HECTD4: variants seen among roughly 807,000 people sequenced by gnomAD.
HECTD4 encodes HECT domain E3 ubiquitin protein ligase 4, also known as probable E3 ubiquitin-protein ligase HECTD4.
A neutral mutation model predicts 471.5 loss-of-function variants in HECTD4; 114 were observed. That is an observed-to-expected ratio of 0.24 (90% CI 0.21 to 0.28). The LOEUF (loss-of-function observed/expected upper bound fraction) is 0.28, where lower values mean the gene tolerates loss of function less well. Among genes scored for constraint, HECTD4 ranks in the 10% least tolerant of loss-of-function variants. HECTD4 has a pLI of 1.00. For missense variants in HECTD4, 3,866 were observed against 5,651.5 expected (o/e 0.68, Z 10.13); for synonymous variants, 2,012 against 2,256.0 (o/e 0.89, Z 3.07).
intron 47 of HECTD4, 96 bp from the exon 48 acceptor site, chr12:112,216,467 G>T: frequency 1.2e-6 from 1 of 830,580 alleles, no homozygotes; most frequent in South Asian, 1.5e-5. Context: ...AGGGGGGGTG[G>T]TCAGCATTGT....
At chr12:112,253,483 T>C (rs528355714) in intron 22 of HECTD4, among the ~76,000 whole-genome samples, 9 of 152,300 alleles carry the variant, frequency 5.9e-5, no homozygotes, top group East Asian at 5.8e-4. Context: ...CCATAACATA[T>C]ATGAAATAAA....
intron 2 of HECTD4, among the ~76,000 whole-genome samples, chr12:112,315,646 C>G (rs534879954): frequency 1.3e-5 from 2 of 152,098 alleles, no homozygotes; most frequent in Non-Finnish European, 2.9e-5. Context: ...AATAAAGAAG[C>G]AAAACCTTTA....
In HECTD4 at chr12:112,160,914, C is replaced by G. The variant is rs1015154670; in HGVS notation, c.*1473G>C. 1 of 152,138 alleles carries G rather than the reference C, an allele frequency of 6.6e-6. No individual in the cohort carries two copies. Among genetic ancestry groups the G allele is most frequent in the Non-Finnish European group, 1.5e-5 (1 of 68,028 alleles). The allele number at this position is 152,138 out of a possible 1,614,324, so 9.4% of individuals were successfully genotyped here. A position where few individuals can be genotyped will look rare whatever the true frequency, so the allele number is the denominator to read the frequency against. ...ACTGATGCAGCTGTCATGATTAACCCTAGGTCGATTTCATCCTTAGGTCAG... is the reference window on the plus strand; with the variant it reads ...ACTGATGCAGCTGTCATGATTAACCGTAGGTCGATTTCATCCTTAGGTCAG... On this transcript the variant is annotated 3_prime_UTR_variant, in exon 76 of 76. Coordinates refer to ENST00000682272, the MANE Select transcript of HECTD4 (RefSeq NM_001388303.1).
At chr12:112,323,780 C>T (rs746742556) in intron 1 of HECTD4, among the ~76,000 whole-genome samples, 13 of 151,166 alleles carry the variant, frequency 8.6e-5, no homozygotes, top group Non-Finnish European at 1.6e-4. Context: ...CATAGAACTA[C>T]ACACCTCCCA....
chr12:112,170,953 G>A (rs1323799490), intron 68 of HECTD4, 164 bp downstream of exon 68: 1 of 564,618 alleles, frequency 1.8e-6, no homozygotes. Context: ...TCCCTTGGGT[G>A]GGCCTGTTGC....
intron 9 of HECTD4, among the ~76,000 whole-genome samples, chr12:112,276,396 GA>G (rs1323373505): frequency 4.0e-5 from 6 of 151,774 alleles, no homozygotes; most frequent in Admixed American, 1.3e-4. Context: ...AAAAGAGGGG[GA>G]AAAAAAGAAA....
intron 1 of HECTD4, among the ~76,000 whole-genome samples, chr12:112,372,504 G>A (rs1431545872): frequency 5.7e-5 from 2 of 34,830 alleles, no homozygotes; most frequent in Non-Finnish European, 9.8e-5. Context: ...CTCGTGATCC[G>A]CCCACCTGAC....
At position 112,175,838 on chromosome 12, in the gene HECTD4, G is replaced by A. The variant is rs746255951; in HGVS notation, c.11492C>T (p.Thr3831Met). The A allele has an allele frequency of 1.3e-5, 21 of 1,613,504 alleles. No individual in the cohort carries two copies. The highest frequency in any genetic ancestry group is 1.5e-5 in the Non-Finnish European group (18 of 1,179,760). Residue 3831 changes from threonine (T) to methionine (M), a missense_variant, in exon 66 of 76, where the codon ACG becomes ATG. Coordinates refer to ENST00000682272, the MANE Select transcript of HECTD4 (RefSeq NM_001388303.1). ...AACAAATTTGTGAAATCCTTCCAGC[G>A]TCAGGTATTTTTCCTCAGGGACTGG... ...KQEVPEEKYL[T>M]LEGFHKFVID...
chr12:112,290,733 AGCTAC>A lies in HECTD4; in HGVS notation c.1336-7436_1336-7432del, dbSNP rs775230223. ...CATGGTGGTGTATGCCTGTAGTCCC[AGCTAC>A]TCGGGAGGCTGAGGCAGGGGAATCA... On this transcript the variant is annotated intron_variant, in intron 7 of 75. Coordinates refer to ENST00000682272, the MANE Select transcript of HECTD4 (RefSeq NM_001388303.1). 2.0e-5 allele frequency among the ~76,000 whole-genome samples: 3 copies of A among 151,900 alleles called. No homozygotes were observed. The South Asian group carries it at 6.2e-4, about 32-fold the overall frequency.
At chr12:112,351,830 T>C (rs532363815) in intron 1 of HECTD4, among the ~76,000 whole-genome samples, 17 of 152,372 alleles carry the variant, frequency 1.1e-4, no homozygotes, top group African/African-American at 3.6e-4. Context: ...ACTGTCGGCA[T>C]GTTTAAAAGG....
At chr12:112,333,109 A>G (rs1051599446) in intron 1 of HECTD4, among the ~76,000 whole-genome samples, 3 of 152,162 alleles carry the variant, frequency 2.0e-5, no homozygotes, top group Admixed American at 2.0e-4. Context: ...TCATCAGTTG[A>G]TGGACATTTT....
At chr12:112,340,719 G>A (rs2036039904) in intron 1 of HECTD4, among the ~76,000 whole-genome samples, 1 of 152,090 alleles carries the variant, frequency 6.6e-6, no homozygotes, top group Admixed American at 6.6e-5. Context: ...ATGACATTAA[G>A]TACAACAATA....
At chr12:112,299,033 A>G (rs902167080) in intron 7 of HECTD4, among the ~76,000 whole-genome samples, 2 of 152,170 alleles carry the variant, frequency 1.3e-5, no homozygotes, top group East Asian at 1.9e-4. Context: ...GCGTTTAAGG[A>G]AAGTTGCTAA....
At chr12:112,177,375 C>CTTTTT (rs1170542769) in intron 64 of HECTD4, among the ~76,000 whole-genome samples, 5 of 143,520 alleles carry the variant, frequency 3.5e-5, no homozygotes, top group African/African-American at 8.0e-5. Flanking sequence ...TGTTATGAGG[C>CTTTTT]TATTTTTTTT....
chr12:112,193,240 A>G lies in HECTD4; in HGVS notation c.8956-49T>C, dbSNP rs1372103037. ...AAAGCCACGGGCTAAACACAGGGAC[A>G]GCATTTCATCTTCTCATCTCACATG... On this transcript the variant is annotated intron_variant, in intron 57 of 75. Transcript: ENST00000682272. The surrounding 1 kb of genome is among the most constrained non-coding windows in gnomAD (Gnocchi z 5.2). 1.2e-6 allele frequency: 2 copies of G among 1,601,492 alleles called. No homozygotes were observed. Among genetic ancestry groups the G allele is most frequent in the South Asian group, 1.1e-5 (1 of 89,242 alleles).
At chr12:112,339,320 C>A (rs1468642178) in intron 1 of HECTD4, among the ~76,000 whole-genome samples, 1 of 150,878 alleles carries the variant, frequency 6.6e-6, no homozygotes, top group Non-Finnish European at 1.5e-5. Flanking sequence ...CAAGAAAATG[C>A]AAGTCACAAA....
At chr12:112,196,859 G>T (rs2032261214) in intron 55 of HECTD4, among the ~76,000 whole-genome samples, 1 of 150,988 alleles carries the variant, frequency 6.6e-6, no homozygotes, top group Non-Finnish European at 1.5e-5. Context: ...GCAGTGGTGT[G>T]ATCTCGGCTC....
chr12:112,233,992 T>C (rs1664220775), intron 37 of HECTD4, among the ~76,000 whole-genome samples: 2 of 152,316 alleles, frequency 1.3e-5, no homozygotes, highest in South Asian at 4.1e-4. Flanking sequence ...TATATTACTA[T>C]TGTTTTTATT....
In HECTD4 at chr12:112,243,458, T is replaced by C. The variant is rs2033686524; in HGVS notation, c.4853A>G (p.Lys1618Arg). The change falls in exon 32 of 76, where the codon AAG becomes AGG. Residue 1618 changes from lysine to arginine, a missense_variant. Around this residue, in one of 16 missense-constraint regions of HECTD4, gnomAD observed 229 missense variants for 386.4 expected, o/e 0.59. Transcript: ENST00000682272. The surrounding 1 kb of genome is among the most constrained non-coding windows in gnomAD (Gnocchi z 6.6). ...TTCCCGCATGTGCACCAGTGCCTGC[T>C]TGCGAGTGTTTCCCCGCCGCCACCT... Reference protein sequence around the residue: ...QTRWRRGNTRKQALVHMRELL... With the variant: ...QTRWRRGNTRRQALVHMRELL... 1 of 1,609,114 alleles carries C rather than the reference T, an allele frequency of 6.2e-7. No individual in the cohort carries two copies. Among genetic ancestry groups the C allele is most frequent in the African/African-American group, 1.3e-5 (1 of 74,790 alleles).
Sources: allele counts gnomAD v4.1 joint callset (sites outside exome capture counted in the v4.1 genomes callset), GRCh38; gene constraint gnomAD v4.1.1; regional missense constraint gnomAD v4.1.1; non-coding constraint Gnocchi (gnomAD v3.1); transcripts MANE v1.5; gene names NCBI Gene and HGNC (gene_info 2026-07-23, HGNC 2026-07-21).